GALNT10: variants seen among roughly 807,000 people sequenced by gnomAD.
The protein encoded by GALNT10 is GalNAc transferase 10.
A neutral mutation model predicts 75.0 loss-of-function variants in GALNT10; 41 were observed. The observed-to-expected ratio is 0.55, with a 90% CI of 0.43 to 0.71. The LOEUF is 0.71. Ranked by LOEUF, GALNT10 falls within the 30% of genes least tolerant of loss-of-function variation. The pLI is 0.00. For missense variants in GALNT10, 727 were observed against 818.5 expected, an observed-to-expected ratio of 0.89 and a Z score of 1.36; for synonymous variants, 302 against 313.0, an observed-to-expected ratio of 0.96 and a Z score of 0.37.
chr5:154,294,428 A>T (rs116296177), intron 1 of GALNT10, among the ~76,000 whole-genome samples: 1,733 of 152,352 alleles, frequency 0.011, 38 homozygotes, highest in African/African-American at 0.039. Context: ...TAGGTAGAGT[A>T]CATTATTAAA....
At chr5:154,264,304 C>A in intron 1 of GALNT10, among the ~76,000 whole-genome samples, 1 of 114,578 alleles carries the variant, frequency 8.7e-6, no homozygotes. Flanking sequence ...CAGAGCAAGA[C>A]TCTGTCTCCA....
chr5:154,414,388 A>T (rs1582021849), intron 10 of GALNT10, among the ~76,000 whole-genome samples: 1 of 152,364 alleles, frequency 6.6e-6, no homozygotes, highest in East Asian at 1.9e-4. Flanking sequence ...TGGAGTGCAA[A>T]TTCAGCAATA....
chr5:154,363,807 A>G (rs941099750), intron 4 of GALNT10, among the ~76,000 whole-genome samples: 3 of 152,198 alleles, frequency 2.0e-5, no homozygotes, highest in Non-Finnish European at 4.4e-5. Context: ...TCACAAGTGT[A>G]CCTGAGTGAC....
chr5:154,207,591 C>T lies in GALNT10; in HGVS notation c.159+16566C>T, dbSNP rs1035258343. ...AGCCAGTGGACCCGGACGGGCAGGG[C>T]GGGTAAGCAGAAAAGGCTCCCTGAA... On this transcript the variant is annotated intron_variant, in intron 1 of 11. Coordinates refer to ENST00000297107, the MANE Select transcript of GALNT10 (RefSeq NM_198321.4). 8.5e-5 allele frequency among the ~76,000 whole-genome samples: 13 copies of T among 152,208 alleles called. 1 individual carries two copies. Among genetic ancestry groups the T allele is most frequent in the South Asian group, 2.1e-4 (1 of 4,812 alleles).
intron 3 of GALNT10, among the ~76,000 whole-genome samples, chr5:154,323,388 A>G (rs891096359): frequency 6.6e-6 from 1 of 152,136 alleles, no homozygotes; most frequent in Non-Finnish European, 1.5e-5. Flanking sequence ...AAAAAAATGT[A>G]AAAGTCATTT....
chr5:154,253,319 A>G (rs570409603), intron 1 of GALNT10, among the ~76,000 whole-genome samples: 79 of 144,268 alleles, frequency 5.5e-4, no homozygotes, highest in African/African-American at 2.0e-3. Flanking sequence ...GCATATTCTC[A>G]CTCATAGGTG....
chr5:154,395,781 C>A (rs1271351924), intron 7 of GALNT10, among the ~76,000 whole-genome samples: 1 of 152,236 alleles, frequency 6.6e-6, no homozygotes, highest in Non-Finnish European at 1.5e-5. Context: ...GAGACGCTGT[C>A]ACCATTCCAG....
intron 4 of GALNT10, among the ~76,000 whole-genome samples, chr5:154,360,827 G>A (rs986142664): frequency 2.0e-5 from 3 of 152,174 alleles, no homozygotes; most frequent in African/African-American, 7.2e-5. Flanking sequence ...AGAAAAGAAA[G>A]TGGTTGATCC....
intron 1 of GALNT10, among the ~76,000 whole-genome samples, chr5:154,257,671 TAAAA>T (rs5872365): frequency 1.4e-5 from 2 of 144,898 alleles, no homozygotes; most frequent in Non-Finnish European, 1.5e-5. Flanking sequence ...GACTCCGTTT[TAAAA>T]AAAAAAAAAA....
At chr5:154,401,365 T>C (rs1032554187) in intron 7 of GALNT10, among the ~76,000 whole-genome samples, 4 of 152,184 alleles carry the variant, frequency 2.6e-5, no homozygotes, top group Admixed American at 2.0e-4. Flanking sequence ...TCCCACCTGC[T>C]CAGGGCCACT....
rs990258534 is a variant in GALNT10 at position 154,370,069 on chromosome 5, C to G, written c.569-6208C>G. On this transcript the variant is annotated intron_variant, in intron 4 of 11. Transcript: ENST00000297107. ...ACACAGAGTAGTGAAGATTCCTGAA[C>G]GAAGCAAACTATATCTGAGTCCTAT... Among the ~76,000 whole-genome samples the G allele has an allele frequency of 3.9e-5, 6 of 152,234 alleles. No individual in the cohort carries two copies. In the East Asian group the frequency reaches 1.2e-3, roughly 29 times the overall value.
chr5:154,284,774 G>T (rs1754088361), intron 1 of GALNT10, among the ~76,000 whole-genome samples: 2 of 152,166 alleles, frequency 1.3e-5, no homozygotes, highest in Non-Finnish European at 2.9e-5. Context: ...TACTGAGTTT[G>T]GGAAGGAATG....
At chr5:154,368,288 C>T (rs532932084) in intron 4 of GALNT10, among the ~76,000 whole-genome samples, 275 of 152,332 alleles carry the variant, frequency 1.8e-3, no homozygotes, top group Non-Finnish European at 2.1e-3. Flanking sequence ...GAAATGCTTT[C>T]TTGATTAAAC....
At chr5:154,310,949 T>A (rs934318294) in intron 3 of GALNT10, among the ~76,000 whole-genome samples, 1 of 152,240 alleles carries the variant, frequency 6.6e-6, no homozygotes, top group African/African-American at 2.4e-5. Context: ...ATTTCTTACA[T>A]TGACTTCTTT....
At chr5:154,230,021 A>G (rs558333298) in intron 1 of GALNT10, among the ~76,000 whole-genome samples, 1 of 147,520 alleles carries the variant, frequency 6.8e-6, no homozygotes, top group African/African-American at 2.4e-5. Flanking sequence ...TCTCACTCTC[A>G]AGGGATCTTC....
chr5:154,277,758 G>A (rs1425505430), intron 1 of GALNT10, among the ~76,000 whole-genome samples: 1 of 152,022 alleles, frequency 6.6e-6, no homozygotes, highest in African/African-American at 2.4e-5. Flanking sequence ...AGTATTTCAG[G>A]GCAACTTTAT....
chr5:154,286,390 T>G (rs920975960), intron 1 of GALNT10, among the ~76,000 whole-genome samples: 17 of 152,066 alleles, frequency 1.1e-4, no homozygotes, highest in African/African-American at 3.6e-4. Context: ...GATTTGTTTT[T>G]TTTTTTTTTT....
chr5:154,204,651 T>C (rs1775079964), intron 1 of GALNT10, among the ~76,000 whole-genome samples: 1 of 152,180 alleles, frequency 6.6e-6, no homozygotes, highest in Non-Finnish European at 1.5e-5. Context: ...CTGCCTGTAA[T>C]ACTCTTCCCC....
intron 1 of GALNT10, among the ~76,000 whole-genome samples, chr5:154,193,455 G>C (rs565344832): frequency 6.6e-6 from 1 of 152,344 alleles, no homozygotes; most frequent in Admixed American, 6.5e-5. Context: ...CCTCATCCCA[G>C]TGTACTGGAA....
Sources: gnomAD v4.1 joint callset for allele counts (sites outside exome capture counted in the v4.1 genomes callset) on GRCh38, gnomAD v4.1.1 for gene constraint, MANE v1.5 for transcripts, NCBI Gene and HGNC (gene_info 2026-07-23, HGNC 2026-07-21) for gene names.